The following RAB3GAP1 variants were observed in gnomAD, a reference collection of about 807,000 sequenced individuals.
The protein encoded by RAB3GAP1 is rab3 GTPase-activating protein catalytic subunit.
A neutral mutation model predicts 130.7 loss-of-function variants in RAB3GAP1; 86 were observed. The ratio of observed to expected loss-of-function variants is 0.66; its 90% CI spans 0.55 to 0.79. The LOEUF is 0.79. Among genes scored for constraint, RAB3GAP1 ranks in the 30% least tolerant of loss-of-function variants. The pLI is 0.00. For missense variants in RAB3GAP1, 1,029 were observed against 1,169.4 expected, an observed-to-expected ratio of 0.88 and a Z score of 1.75; for synonymous variants, 367 against 401.7, an observed-to-expected ratio of 0.91 and a Z score of 1.03.
At chr2:135,097,538 A>G (rs1690335801) in intron 5 of RAB3GAP1, among the ~76,000 whole-genome samples, 1 of 152,062 alleles carries the variant, frequency 6.6e-6, no homozygotes, top group Admixed American at 6.6e-5. Flanking sequence ...CGACATCCTT[A>G]TAATCCCTGG....
In RAB3GAP1 at chr2:135,129,131, G is replaced by A. The variant is rs139500260; in HGVS notation, c.974-864G>A. Among the ~76,000 whole-genome samples, 949 of 152,174 alleles carry A rather than the reference G, an allele frequency of 6.2e-3. 8 individuals are homozygous for A. Among genetic ancestry groups the A allele is most frequent in the South Asian group, 0.041 (199 of 4,816 alleles). On this transcript the variant is annotated intron_variant, in intron 11 of 23. Transcript: ENST00000264158. ...CGTGCCACTGCACTCCAGCTTGGGC[G>A]ACAGAGTAAGACCCTGTCTCAAAAA...
At chr2:135,127,687 A>G (rs1161677734) in intron 11 of RAB3GAP1, among the ~76,000 whole-genome samples, 1 of 152,102 alleles carries the variant, frequency 6.6e-6, no homozygotes, top group Non-Finnish European at 1.5e-5. Context: ...CCTTCTATAG[A>G]GTTGTGTCAC....
chr2:135,144,479 A>G (rs1461797259), intron 17 of RAB3GAP1, among the ~76,000 whole-genome samples: 3 of 152,204 alleles, frequency 2.0e-5, no homozygotes, highest in Non-Finnish European at 4.4e-5. Flanking sequence ...GTAGGGAAGG[A>G]TAGGTGTATG....
chr2:135,158,850 C>T (rs952062299), intron 19 of RAB3GAP1, among the ~76,000 whole-genome samples: 3 of 152,180 alleles, frequency 2.0e-5, no homozygotes, highest in African/African-American at 7.2e-5. Context: ...ATGGACCCAA[C>T]ACCACTTAAC....
chr2:135,154,136 G>C (rs895531771), intron 19 of RAB3GAP1, among the ~76,000 whole-genome samples: 2 of 152,070 alleles, frequency 1.3e-5, no homozygotes, highest in African/African-American at 4.8e-5. Flanking sequence ...GTTAAAAATG[G>C]GTATGTCCTT....
At chr2:135,117,543 G>GCTTCTTCTTCTGCTTCTTCTT (rs1558784310) in intron 7 of RAB3GAP1, among the ~76,000 whole-genome samples, 1 of 43,850 alleles carries the variant, frequency 2.3e-5, no homozygotes, top group African/African-American at 8.9e-5. Flanking sequence ...TTCTTCTTCT[G>GCTTCTTCTTCTGCTTCTTCTT]CTTCTTCTTC....
At chr2:135,077,470 T>A (rs1689663526) in intron 3 of RAB3GAP1, among the ~76,000 whole-genome samples, 1 of 152,096 alleles carries the variant, frequency 6.6e-6, no homozygotes. Context: ...GGCAGGAAGA[T>A]TACTTGAGGC....
intron 18 of RAB3GAP1, among the ~76,000 whole-genome samples, chr2:135,151,068 C>A (rs1367345990): frequency 1.3e-5 from 2 of 152,138 alleles, no homozygotes; most frequent in Non-Finnish European, 2.9e-5. Flanking sequence ...CATTTGCTAT[C>A]TGAAGAATAT....
At chr2:135,133,825 AACAAGTT>A in intron 14 of RAB3GAP1, 29 bp from the exon 15 acceptor site, 1 of 1,589,550 alleles carries the variant, frequency 6.3e-7, no homozygotes, top group South Asian at 1.1e-5. Context: ...ATATTTTGGT[AACAAGTT>A]TGCTTTGTTT....
At chr2:135,093,929 G>A in intron 5 of RAB3GAP1, among the ~76,000 whole-genome samples, 1 of 152,202 alleles carries the variant, frequency 6.6e-6, no homozygotes. Flanking sequence ...CAGGCAAGAT[G>A]TACTCAGTTC....
intron 3 of RAB3GAP1, among the ~76,000 whole-genome samples, chr2:135,064,076 T>C (rs1689250121): frequency 6.6e-6 from 1 of 152,184 alleles, no homozygotes; most frequent in African/African-American, 2.4e-5. Flanking sequence ...TATATTCATA[T>C]TTTTGTTTGA....
In RAB3GAP1 at chr2:135,126,192, T is replaced by A; in HGVS notation, c.842T>A (p.Leu281Ter). 1.2e-6 allele frequency: 2 copies of A among 1,612,296 alleles called. No homozygotes were observed. Among genetic ancestry groups the A allele is most frequent in the African/African-American group, 1.3e-5 (1 of 75,008 alleles). ...TTTATGTTTTTTAGTGAACTCCATT[T>A]AGCTACTACATGGCCTCATCTGACC... is the stretch of plus-strand genomic sequence containing the variant. ...ACEDPISELH[L>*]ATTWPHLTEG... The change falls in exon 10 of 24, where the codon TTA (leucine) becomes TAA (stop). Residue 281 changes from leucine (L) to a stop codon, truncating the protein, a stop_gained. Transcript: ENST00000264158. LOFTEE classifies it high-confidence loss of function.
intron 5 of RAB3GAP1, among the ~76,000 whole-genome samples, chr2:135,105,195 C>G (rs1046721363): frequency 1.5e-5 from 2 of 136,166 alleles, no homozygotes; most frequent in Non-Finnish European, 1.6e-5. Context: ...CCCTCTCCCT[C>G]TCCCCCTTCC....
intron 22 of RAB3GAP1, 145 bp downstream of exon 22, chr2:135,163,246 A>G: frequency 1.4e-6 from 1 of 716,986 alleles, no homozygotes; most frequent in East Asian, 2.7e-5. Context: ...AGAAATAATT[A>G]TCATAGCATT....
At chr2:135,165,863 T>C (rs1033092171) in intron 23 of RAB3GAP1, among the ~76,000 whole-genome samples, 21 of 152,194 alleles carry the variant, frequency 1.4e-4, no homozygotes, top group Admixed American at 9.8e-4. Context: ...GCAAAAATTC[T>C]TTCCTCTTTG....
At chr2:135,100,538 G>A (rs894716258) in intron 5 of RAB3GAP1, among the ~76,000 whole-genome samples, 4 of 152,170 alleles carry the variant, frequency 2.6e-5, no homozygotes, top group Admixed American at 2.6e-4. Context: ...TTTGGGACAA[G>A]GAGGGCCTGT....
intron 5 of RAB3GAP1, among the ~76,000 whole-genome samples, chr2:135,097,463 C>T (rs1360710952): frequency 1.3e-5 from 2 of 152,150 alleles, no homozygotes; most frequent in South Asian, 2.1e-4. Flanking sequence ...TCAAGTGATC[C>T]TCCCACCTCA....
At chr2:135,086,497 G>T (rs1689986569) in intron 3 of RAB3GAP1, among the ~76,000 whole-genome samples, 1 of 151,902 alleles carries the variant, frequency 6.6e-6, no homozygotes, top group African/African-American at 2.4e-5. Flanking sequence ...TAATTAATCA[G>T]AATTACTGTT....
At chr2:135,172,274 TA>T (rs916851648), downstream of RAB3GAP1, among the ~76,000 whole-genome samples, 283 of 147,028 alleles carry the variant, frequency 1.9e-3, 1 homozygote, top group East Asian at 7.7e-3. Context: ...TATTAAAAGT[TA>T]AAAAAAAAAA....
Sources: gnomAD v4.1 joint callset for allele counts (sites outside exome capture counted in the v4.1 genomes callset) on GRCh38, gnomAD v4.1.1 for gene constraint, MANE v1.5 for transcripts, NCBI Gene and HGNC (gene_info 2026-07-23, HGNC 2026-07-21) for gene names.